Variants in CLCC1 observed in about 807,000 individuals in gnomAD.
CLCC1 encodes chloride channel CLIC-like protein 1.
A neutral mutation model predicts 63.3 loss-of-function variants in CLCC1; 39 were observed. The observed-to-expected ratio is 0.62, with a 90% CI of 0.48 to 0.81. The LOEUF (loss-of-function observed/expected upper bound fraction) is 0.81. CLCC1 is among the 30% of genes least tolerant of loss of function. The probability of loss-of-function intolerance (pLI) is 0.00; values close to 1 mark genes in which losing one functional copy is unlikely to be tolerated. For synonymous variants in CLCC1, 217 were observed against 239.8 expected (o/e 0.90, Z 0.88); for missense variants, 549 against 669.4 (o/e 0.82, Z 1.98).
chr1:108,937,161 C>A lies in CLCC1; in HGVS notation c.1299G>T (p.Gln433His). The A allele has an allele frequency of 6.3e-7, 1 of 1,579,368 alleles. No individual in the cohort carries two copies. The highest frequency in any genetic ancestry group is 8.6e-7 in the Non-Finnish European group (1 of 1,163,698). Reference protein sequence around the residue: ...LRERDVDLRFQTGNKSPEVLR... With the variant: ...LRERDVDLRFHTGNKSPEVLR... ...GCACTTCAGGGCTCTTGTTGCCAGT[C>A]TGAAATCTCAAGTCAACATCTCTCT... The change falls in exon 11 of 13, where the codon CAG (glutamine) becomes CAT (histidine). Residue 433 changes from glutamine (Q) to histidine (H), a missense_variant. Transcript: ENST00000369969.
At chr1:108,948,368 T>C (rs1030285921) in intron 4 of CLCC1, among the ~76,000 whole-genome samples, 3 of 152,190 alleles carry the variant, frequency 2.0e-5, no homozygotes, top group Non-Finnish European at 4.4e-5. Flanking sequence ...AACTTAGCTC[T>C]GCCACCACCA....
At chr1:108,942,443 A>G (rs190361061) in intron 7 of CLCC1, among the ~76,000 whole-genome samples, 1 of 152,294 alleles carries the variant, frequency 6.6e-6, no homozygotes, top group Non-Finnish European at 1.5e-5. Context: ...TTAGTTCTAA[A>G]TACTATAATA....
chr1:108,929,563 TA>T lies in CLCC1; in HGVS notation c.*2983del. ...AGGCTGGGAACTAAAGAGAACAATA[TA>T]AAAACAAAGATTAATTTCTGAGAAG... is the stretch of plus-strand genomic sequence containing the variant. On this transcript the variant is annotated 3_prime_UTR_variant, in exon 13 of 13. Transcript: ENST00000369969. The T allele has an allele frequency of 1.3e-6, 1 of 756,902 alleles. No homozygotes were observed. The highest frequency in any genetic ancestry group is 2.3e-6 in the Non-Finnish European group (1 of 440,094). 46.9% of individuals were successfully genotyped at this position (756,902 alleles called of 1,614,324 possible). A position where few individuals can be genotyped will look rare whatever the true frequency, so the allele number is the denominator to read the frequency against.
chr1:108,945,172 C>T (rs773639338), intron 5 of CLCC1, among the ~76,000 whole-genome samples: 1 of 152,188 alleles, frequency 6.6e-6, no homozygotes, highest in Non-Finnish European at 1.5e-5. Context: ...ATACCTTACG[C>T]TTGACTGAAG....
At chr1:108,959,098 C>T (rs553348045) in intron 2 of CLCC1, among the ~76,000 whole-genome samples, 6 of 152,206 alleles carry the variant, frequency 3.9e-5, no homozygotes, top group Admixed American at 1.3e-4. Flanking sequence ...CACTTGAACC[C>T]GGGAGGCGGA....
At position 108,943,910 on chromosome 1, in the gene CLCC1, TA is replaced by T. The variant is rs752716317; in HGVS notation, c.486del (p.Phe162LeufsTer25). ...DDALSDILIN[F>X]KFHDFETWKW... ...TTCCATGTTTCAAAATCATGAAACTTAAAATTAATTAAAATATCACTTAGTG... is the reference window on the plus strand; with the variant it reads ...TTCCATGTTTCAAAATCATGAAACTTAAATTAATTAAAATATCACTTAGTG... On this transcript the variant is annotated frameshift_variant, in exon 6 of 13. Coordinates refer to ENST00000369969, the MANE Select transcript of CLCC1 (RefSeq NM_001377458.1). LOFTEE classifies it high-confidence loss of function. The T allele has an allele frequency of 6.2e-7, 1 of 1,613,642 alleles. No individual in the cohort carries two copies. Among genetic ancestry groups the T allele is most frequent in the East Asian group, 2.2e-5 (1 of 44,878 alleles).
chr1:108,954,854 C>T lies in CLCC1; in HGVS notation c.-11-4406G>A, dbSNP rs895826825. Among the ~76,000 whole-genome samples, 27 of 94,672 alleles carry T rather than the reference C, an allele frequency of 2.9e-4. 2 individuals carry two copies. In the South Asian group the frequency reaches 4.9e-3, roughly 17 times the overall value. 62.1% of individuals were successfully genotyped at this position (94,672 alleles called of 152,430 possible). ...TGTGTGTGTGTGTGTGTGTGTGTGA[C>T]GGAGTTTCGCTCTTGTCGCCCAGGC... On this transcript the variant is annotated intron_variant, in intron 2 of 12. Coordinates refer to ENST00000369969, the MANE Select transcript of CLCC1 (RefSeq NM_001377458.1).
Position 108,963,460 on chromosome 1 carries a change from C to G in CLCC1, c.-272G>C. 1.4e-6 allele frequency: 1 copy of G among 702,190 alleles called. No individual in the cohort carries two copies. The allele number at this position is 702,190 out of a possible 1,614,324, so 43.5% of individuals were successfully genotyped here. On this transcript the variant is annotated 5_prime_UTR_variant, in exon 1 of 13. Coordinates refer to ENST00000369969, the MANE Select transcript of CLCC1 (RefSeq NM_001377458.1). ...CGCCGCCCAGGGTTTCAGCGTGCTTCCTGGGCCTCGTCATCGAATTGTTCG... is the reference window on the plus strand; with the variant it reads ...CGCCGCCCAGGGTTTCAGCGTGCTTGCTGGGCCTCGTCATCGAATTGTTCG...
chr1:108,939,309 ATTT>A (rs1162492145), intron 10 of CLCC1, among the ~76,000 whole-genome samples: 1 of 139,800 alleles, frequency 7.2e-6, no homozygotes, highest in Non-Finnish European at 1.6e-5. Context: ...TATATGTATA[ATTT>A]TTTTTTTTTT....
Position 108,929,555 on chromosome 1 carries a change from GAAC to G in CLCC1, c.*2989_*2991del, listed in dbSNP as rs1395609796. 65 of 722,184 alleles carry G rather than the reference GAAC, an allele frequency of 9.0e-5. No individual in the cohort carries two copies. Among genetic ancestry groups the G allele is most frequent in the Non-Finnish European group, 1.3e-4 (56 of 416,424 alleles). 44.7% of individuals were successfully genotyped at this position (722,184 alleles called of 1,614,324 possible). On this transcript the variant is annotated 3_prime_UTR_variant, in exon 13 of 13. Transcript: ENST00000369969. ...CAGAAATCAGGCTGGGAACTAAAGA[GAAC>G]AATATAAAAACAAAGATTAATTTCT...
At chr1:108,947,163 C>CA (rs1219463688) in intron 5 of CLCC1, among the ~76,000 whole-genome samples, 64 of 141,730 alleles carry the variant, frequency 4.5e-4, no homozygotes, top group Middle Eastern at 3.7e-3. Flanking sequence ...GACTCTGTCT[C>CA]AAAAAAAAAA....
At chr1:108,950,028 T>A (rs1571059080) in intron 3 of CLCC1, 107 bp from the exon 4 acceptor site, 1 of 734,706 alleles carries the variant, frequency 1.4e-6, no homozygotes, top group South Asian at 1.9e-5. Context: ...TGACTCTGCA[T>A]GTTATATTCT....
In CLCC1 at chr1:108,943,541, C is replaced by A; in HGVS notation, c.636G>T (p.Gln212His). ...AGCTGATGATTAAAACACGTCTCAA[C>A]TGAGTGTACCAACGTACATATGTCC... is the stretch of plus-strand genomic sequence containing the variant. The part of the protein sequence containing the change: ...ELWTYVRWYT[Q>H]LRRVLIISFL... Residue 212 changes from glutamine (Q) to histidine (H), a missense_variant, in exon 7 of 13, where the codon CAG becomes CAT. By Grantham distance (24) the Gln-to-His change is conservative. Coordinates refer to ENST00000369969, the MANE Select transcript of CLCC1 (RefSeq NM_001377458.1). 6.2e-7 allele frequency: 1 copy of A among 1,614,108 alleles called. No individual in the cohort carries two copies.
rs1653164374 is a variant in CLCC1 at position 108,937,329 on chromosome 1, C to A, written c.1131G>T (p.Arg377=). 1 of 1,614,094 alleles carries A rather than the reference C, an allele frequency of 6.2e-7. No homozygotes were observed. Among genetic ancestry groups the A allele is most frequent in the Non-Finnish European group, 8.5e-7 (1 of 1,180,046 alleles). ...ESEPPQALRP[R]DRRRQEEIDY... ...CAATTTCCTCCTGCCGTCTTCTATCCCGTGGCCGAAGTGCCTGGGGAGGTT... is the reference window on the plus strand; with the variant it reads ...CAATTTCCTCCTGCCGTCTTCTATCACGTGGCCGAAGTGCCTGGGGAGGTT... Residue 377 remains arginine (R), a synonymous_variant, in exon 11 of 13, where the codon CGG becomes CGT. Transcript: ENST00000369969.
intron 11 of CLCC1, 131 bp downstream of exon 11, chr1:108,936,946 G>C (rs1470901252): frequency 1.2e-5 from 6 of 500,562 alleles, no homozygotes; most frequent in Non-Finnish European, 1.9e-5. Flanking sequence ...AAAGGGGAGA[G>C]AGTGAGTGGC....
intron 1 of CLCC1, 32 bp downstream of exon 1, chr1:108,963,329 G>A (rs1416653114): frequency 4.5e-6 from 3 of 669,886 alleles, no homozygotes; most frequent in Non-Finnish European, 8.2e-6. Context: ...CGCCCCACCC[G>A]CCGCACAACA....
At chr1:108,954,337 C>T (rs1450945089) in intron 2 of CLCC1, among the ~76,000 whole-genome samples, 2 of 150,596 alleles carry the variant, frequency 1.3e-5, no homozygotes, top group African/African-American at 5.0e-5. Context: ...ACAACAACAA[C>T]AACAAAAATT....
Position 108,929,740 on chromosome 1 carries a change from G to C in CLCC1, c.*2807C>G. The C allele has an allele frequency of 6.2e-7, 1 of 1,613,122 alleles. No homozygotes were observed. Among genetic ancestry groups the C allele is most frequent in the South Asian group, 1.1e-5 (1 of 91,058 alleles). ...TGATCAAAGATGTGCTCCACCACCT[G>C]CTACCACAAAGGGTCCGACAGTACC... On this transcript the variant is annotated 3_prime_UTR_variant, in exon 13 of 13. Transcript: ENST00000369969.
rs1289526597 is a variant in CLCC1, at chr1:108,943,631, A to G, written c.562-16T>C. The stretch of plus-strand genomic sequence containing the variant: ...AAAGAAGTACCTTAAAACAGAGAGA[A>G]GCAGAAATCAGCCACCAAAAACACT... On this transcript the variant is annotated splice_polypyrimidine_tract_variant and intron_variant, in intron 6 of 12. Coordinates refer to ENST00000369969, the MANE Select transcript of CLCC1 (RefSeq NM_001377458.1). 6.2e-7 allele frequency: 1 copy of G among 1,612,714 alleles called. No homozygotes were observed. Among genetic ancestry groups the G allele is most frequent in the South Asian group, 1.1e-5 (1 of 90,556 alleles).
Sources: gnomAD v4.1 joint callset for allele counts (sites outside exome capture counted in the v4.1 genomes callset) on GRCh38, gnomAD v4.1.1 for gene constraint, MANE v1.5 for transcripts, NCBI Gene and HGNC (gene_info 2026-07-23, HGNC 2026-07-21) for gene names.